The following NRXN3 variants were observed in gnomAD, a reference collection of about 807,000 sequenced individuals.
The protein encoded by NRXN3 is neurexin 3.
In NRXN3, 32 loss-of-function variants were observed where a neutral mutation model predicts 137.6. That is an observed-to-expected ratio of 0.23 (90% CI 0.18 to 0.31). The LOEUF (loss-of-function observed/expected upper bound fraction) is 0.31, where lower values mean the gene tolerates loss of function less well. Among genes scored for constraint, NRXN3 ranks in the 10% least tolerant of loss-of-function variants. The probability of loss-of-function intolerance (pLI) is 1.00; values close to 1 mark genes in which losing one functional copy is unlikely to be tolerated. For synonymous variants in NRXN3, 798 were observed against 784.5 expected (o/e 1.02, Z -0.29); for missense variants, 1,574 against 2,062.5 (o/e 0.76, Z 4.59).
intron 4 of NRXN3, among the ~76,000 whole-genome samples, chr14:78,579,857 G>A (rs943264092): frequency 2.6e-4 from 40 of 152,134 alleles, no homozygotes; most frequent in African/African-American, 9.7e-4. Context: ...ACAGGGCATT[G>A]CCTGTTTGTC....
chr14:78,894,397 G>A (rs2099167631), intron 10 of NRXN3, among the ~76,000 whole-genome samples: 1 of 151,864 alleles, frequency 6.6e-6, no homozygotes, highest in African/African-American at 2.4e-5. Flanking sequence ...ATCTATAGAA[G>A]CAACTCTTAA....
intron 8 of NRXN3, among the ~76,000 whole-genome samples, chr14:78,799,773 C>G (rs2098833005): frequency 6.6e-6 from 1 of 152,050 alleles, no homozygotes; most frequent in Non-Finnish European, 1.5e-5. Flanking sequence ...TCATGGTAGA[C>G]AAGAGAGAAA....
chr14:79,223,817 C>G (rs992774008), intron 15 of NRXN3, among the ~76,000 whole-genome samples: 15 of 152,120 alleles, frequency 9.9e-5, no homozygotes, highest in African/African-American at 3.4e-4. Context: ...GGTTGCCTCT[C>G]AGTGCTATGG....
chr14:79,529,718 G>A (rs1328342250), intron 16 of NRXN3, among the ~76,000 whole-genome samples: 3 of 152,160 alleles, frequency 2.0e-5, no homozygotes, highest in Non-Finnish European at 4.4e-5. Flanking sequence ...AAATTTTGTT[G>A]TTAAATATTT....
intron 16 of NRXN3, among the ~76,000 whole-genome samples, chr14:79,564,243 T>G (rs1005053535): frequency 1.3e-5 from 2 of 151,988 alleles, no homozygotes; most frequent in Admixed American, 1.3e-4. Context: ...GTCAAGTTTA[T>G]AGGTGTGCTG....
intron 15 of NRXN3, among the ~76,000 whole-genome samples, chr14:79,188,123 C>A (rs11159400): frequency 0.035 from 5,269 of 152,220 alleles, 232 homozygotes; most frequent in East Asian, 0.21. Flanking sequence ...CTGTAACATG[C>A]TTTGAGTCAT....
chr14:78,474,575 A>G (rs1210955542), intron 4 of NRXN3, among the ~76,000 whole-genome samples: 1 of 152,094 alleles, frequency 6.6e-6, no homozygotes, highest in African/African-American at 2.4e-5. Flanking sequence ...TCTCTCCATG[A>G]TCTTTTTCTT....
At chr14:79,135,547 G>T (rs1015237261) in intron 15 of NRXN3, among the ~76,000 whole-genome samples, 1 of 152,134 alleles carries the variant, frequency 6.6e-6, no homozygotes, top group Non-Finnish European at 1.5e-5. Flanking sequence ...CCAGGTTCAC[G>T]TATAGGAGTA....
At chr14:78,300,767 C>A in intron 4 of NRXN3, 3 of 984,496 alleles carry the variant, frequency 3.0e-6, no homozygotes, top group South Asian at 2.8e-5. Context: ...AGAGGATTGT[C>A]GATTCTGAAT....
At chr14:79,122,529 T>C (rs1021638736) in intron 15 of NRXN3, among the ~76,000 whole-genome samples, 11 of 152,198 alleles carry the variant, frequency 7.2e-5, no homozygotes, top group African/African-American at 2.7e-4. Context: ...GGAATCGTTT[T>C]CTGAAAAGAC....
At chr14:79,576,869 C>T (rs1336923927) in intron 16 of NRXN3, among the ~76,000 whole-genome samples, 2 of 152,094 alleles carry the variant, frequency 1.3e-5, no homozygotes, top group Non-Finnish European at 2.9e-5. Flanking sequence ...TTAAATCTAG[C>T]AGTAAGGATG....
intron 15 of NRXN3, among the ~76,000 whole-genome samples, chr14:79,005,966 A>G (rs2099551801): frequency 2.0e-5 from 3 of 152,126 alleles, no homozygotes; most frequent in African/African-American, 7.2e-5. Flanking sequence ...GTCAACTGTG[A>G]GTTCTACAGG....
chr14:79,072,548 T>C (rs2099689293), intron 15 of NRXN3: 1 of 152,172 alleles, frequency 6.6e-6, no homozygotes, highest in Non-Finnish European at 1.5e-5. Flanking sequence ...ACGGAGATAA[T>C]ACAATTTTTG....
chr14:78,910,637 C>G (rs1251296522), intron 10 of NRXN3, among the ~76,000 whole-genome samples: 3 of 152,116 alleles, frequency 2.0e-5, no homozygotes, highest in Non-Finnish European at 4.4e-5. Context: ...TGGTCACTCT[C>G]TAGCCCTGGG....
chr14:78,250,102 A>G (rs1288347812), intron 2 of NRXN3: 1 of 516,840 alleles, frequency 1.9e-6, no homozygotes, highest in African/African-American at 1.9e-5. Context: ...TTGGATAAGG[A>G]AGCTCGGGGC....
intron 1 of NRXN3, among the ~76,000 whole-genome samples, chr14:78,203,443 C>G (rs1380864324): frequency 2.0e-5 from 3 of 152,116 alleles, no homozygotes; most frequent in Non-Finnish European, 4.4e-5. Flanking sequence ...TGATCCTAGT[C>G]TTTTTCAGCT....
chr14:78,958,401 G>A (rs1240482198), intron 11 of NRXN3, among the ~76,000 whole-genome samples: 1 of 150,810 alleles, frequency 6.6e-6, no homozygotes, highest in Non-Finnish European at 1.5e-5. Flanking sequence ...TGTCGCCCAG[G>A]CTGGAGTGCA....
chr14:79,260,181 C>T (rs1269219193), intron 15 of NRXN3, among the ~76,000 whole-genome samples: 1 of 152,082 alleles, frequency 6.6e-6, no homozygotes, highest in African/African-American at 2.4e-5. Flanking sequence ...CATGTTCTCT[C>T]ATACACAAAT....
At chr14:79,740,710 TTTTATATATA>T (rs1415439216) in intron 19 of NRXN3, among the ~76,000 whole-genome samples, 1,123 of 73,572 alleles carry the variant, frequency 0.015, 125 homozygotes, top group Non-Finnish European at 0.017. Flanking sequence ...GCATTTAGTT[TTTTATATATA>T]TATATATATA....
Sources: gnomAD v4.1 joint callset for allele counts (sites outside exome capture counted in the v4.1 genomes callset) on GRCh38, gnomAD v4.1.1 for gene constraint, MANE v1.5 for transcripts, NCBI Gene and HGNC (gene_info 2026-07-23, HGNC 2026-07-21) for gene names.